PDS5B: variants seen among roughly 807,000 people sequenced by gnomAD.
PDS5B encodes PDS5 cohesin associated factor B.
In PDS5B, 51 loss-of-function variants were observed where a neutral mutation model predicts 184.1. That is an observed-to-expected ratio of 0.28 (90% CI 0.22 to 0.35). The LOEUF (loss-of-function observed/expected upper bound fraction) is 0.35. Among genes scored for constraint, PDS5B ranks in the 10% least tolerant of loss-of-function variants. PDS5B has a pLI of 1.00. For missense variants in PDS5B, 1,180 were observed against 1,723.3 expected (o/e 0.68, Z 5.58); for synonymous variants, 566 against 569.2 (o/e 0.99, Z 0.08).
At chr13:32,713,000 C>T (rs1952255920) in intron 19 of PDS5B, among the ~76,000 whole-genome samples, 1 of 152,216 alleles carries the variant, frequency 6.6e-6, no homozygotes, top group East Asian at 1.9e-4. Flanking sequence ...CAGCTTGTCT[C>T]TCAGGAGTCT....
intron 24 of PDS5B, among the ~76,000 whole-genome samples, chr13:32,746,526 C>T (rs934706028): frequency 4.6e-5 from 7 of 152,214 alleles, no homozygotes; most frequent in East Asian, 3.8e-4. Context: ...CACTGTAACT[C>T]ATACCTGAAC....
At chr13:32,744,070 A>G (rs1280586892) in intron 23 of PDS5B, among the ~76,000 whole-genome samples, 2 of 152,098 alleles carry the variant, frequency 1.3e-5, no homozygotes, top group Non-Finnish European at 2.9e-5. Flanking sequence ...GTGGTTTACA[A>G]CATTCAGGCA....
At chr13:32,659,363 T>G in intron 6 of PDS5B, 83 bp downstream of exon 6, 1 of 961,484 alleles carries the variant, frequency 1.0e-6, no homozygotes, top group Non-Finnish European at 1.5e-6. Flanking sequence ...TAAATATGGT[T>G]TATCCTGCTT....
intron 1 of PDS5B, among the ~76,000 whole-genome samples, chr13:32,616,769 TAAC>T: frequency 6.6e-6 from 1 of 152,338 alleles, no homozygotes; most frequent in East Asian, 1.9e-4. Context: ...TTTTGTTCCT[TAAC>T]AATTCAAGAA....
intron 22 of PDS5B, among the ~76,000 whole-genome samples, chr13:32,742,041 C>T (rs879693887): frequency 2.0e-5 from 3 of 152,126 alleles, no homozygotes; most frequent in African/African-American, 4.8e-5. Context: ...CAGACACTAT[C>T]GAAGACCCTC....
At position 32,738,921 on chromosome 13, in the gene PDS5B, T is replaced by C. The variant is rs902153661; in HGVS notation, c.2407-2159T>C. Among the ~76,000 whole-genome samples, 3 of 152,044 alleles carry C rather than the reference T, an allele frequency of 2.0e-5. No individual in the cohort carries two copies. The East Asian group carries it at 5.8e-4, about 29-fold the overall frequency. ...TCCTGAACTCACGTGATCCACCCAG[T>C]TCAGCCTCCCAAAGTGCTGGGATTA... On this transcript the variant is annotated intron_variant, in intron 21 of 34. Transcript: ENST00000315596.
At chr13:32,595,892 A>G (rs1039246750) in intron 1 of PDS5B, among the ~76,000 whole-genome samples, 3 of 152,202 alleles carry the variant, frequency 2.0e-5, no homozygotes, top group South Asian at 2.1e-4. Context: ...TCTTGAGGCC[A>G]TGGACTTGCA....
At chr13:32,757,676 T>G (rs1954233583) in intron 26 of PDS5B, among the ~76,000 whole-genome samples, 1 of 152,232 alleles carries the variant, frequency 6.6e-6, no homozygotes, top group African/African-American at 2.4e-5. Flanking sequence ...GGCAGTTATA[T>G]TCTCTTGAAG....
chr13:32,659,934 G>T (rs1950600885), intron 6 of PDS5B, among the ~76,000 whole-genome samples: 1 of 152,164 alleles, frequency 6.6e-6, no homozygotes. Flanking sequence ...TAATGGTTCA[G>T]TGAAAATGAT....
chr13:32,711,279 C>T (rs566692744), intron 19 of PDS5B, among the ~76,000 whole-genome samples: 4 of 152,126 alleles, frequency 2.6e-5, no homozygotes, highest in South Asian at 2.1e-4. Context: ...CATGAGCCAG[C>T]GTGCCTGGCC....
chr13:32,674,550 G>T (rs1226052575), intron 8 of PDS5B, among the ~76,000 whole-genome samples: 2 of 151,488 alleles, frequency 1.3e-5, no homozygotes, highest in East Asian at 1.9e-4. Flanking sequence ...TAAATGCTAT[G>T]CATGTTCCTA....
At chr13:32,743,023 T>C (rs1431572493) in intron 23 of PDS5B, among the ~76,000 whole-genome samples, 2 of 151,630 alleles carry the variant, frequency 1.3e-5, no homozygotes, top group Non-Finnish European at 2.9e-5. Context: ...TTTTACATTC[T>C]TGTTAAATAT....
At position 32,628,681 on chromosome 13, in the gene PDS5B, A is replaced by G. The variant is rs1021355384; in HGVS notation, c.-19-20073A>G. ...ATATTTGGTGTTTATTTTACCAAAT[A>G]TACTATTAAACCCACACGTGTGCAC... On this transcript the variant is annotated intron_variant, in intron 1 of 34. Transcript: ENST00000315596. Among the ~76,000 whole-genome samples the G allele has an allele frequency of 5.3e-5, 8 of 152,196 alleles. 1 individual carries two copies. The highest frequency in any genetic ancestry group is 6.8e-3 in the Middle Eastern group (2 of 294).
intron 6 of PDS5B, among the ~76,000 whole-genome samples, chr13:32,662,332 A>G (rs1348859151): frequency 1.3e-5 from 2 of 152,154 alleles, no homozygotes; most frequent in Non-Finnish European, 2.9e-5. Flanking sequence ...AGAAAGAAGC[A>G]AATTCACTAT....
At chr13:32,684,627 A>T (rs1951335548) in intron 11 of PDS5B, among the ~76,000 whole-genome samples, 1 of 152,190 alleles carries the variant, frequency 6.6e-6, no homozygotes, top group Admixed American at 6.5e-5. Context: ...TATATTAGGC[A>T]CTCAGGAAAT....
chr13:32,711,213 G>C (rs1952193472), intron 19 of PDS5B, among the ~76,000 whole-genome samples: 1 of 151,974 alleles, frequency 6.6e-6, no homozygotes. Context: ...TTGAACTCCT[G>C]ACCTCAGGTG....
At chr13:32,620,118 GTATCT>G (rs768846163) in intron 1 of PDS5B, among the ~76,000 whole-genome samples, 73 of 152,044 alleles carry the variant, frequency 4.8e-4, no homozygotes, top group Non-Finnish European at 9.4e-4. Flanking sequence ...TTTTTAAAAT[GTATCT>G]TATAATAAAC....
intron 19 of PDS5B, among the ~76,000 whole-genome samples, chr13:32,711,973 TCATA>T (rs1253297810): frequency 6.6e-5 from 10 of 152,206 alleles, no homozygotes; most frequent in Admixed American, 4.6e-4. Context: ...TGGACCCAGG[TCATA>T]CAGCTAGCAA....
intron 31 of PDS5B, among the ~76,000 whole-genome samples, chr13:32,766,322 G>C (rs893647349): frequency 3.3e-5 from 5 of 152,134 alleles, no homozygotes; most frequent in Admixed American, 2.0e-4. Flanking sequence ...TTTTGCATCT[G>C]CTTTTACCTT....
Sources: gnomAD v4.1 joint callset for allele counts (sites outside exome capture counted in the v4.1 genomes callset) on GRCh38, gnomAD v4.1.1 for gene constraint, MANE v1.5 for transcripts, NCBI Gene and HGNC (gene_info 2026-07-23, HGNC 2026-07-21) for gene names.